CDK5RAP3: variants seen among roughly 807,000 people sequenced by gnomAD.
CDK5RAP3 encodes CDK5 regulatory subunit-associated protein 3.
CDK5RAP3 carries 58 observed loss-of-function variants against 73.3 expected under a neutral mutation model. The observed-to-expected ratio is 0.79, with a 90% confidence interval of 0.64 to 0.98. The LOEUF (loss-of-function observed/expected upper bound fraction) is 0.98, where lower values mean the gene tolerates loss of function less well. CDK5RAP3 is among the 50% of genes least tolerant of loss of function. The pLI is 0.00. For missense variants in CDK5RAP3, 525 were observed against 615.8 expected, an observed-to-expected ratio of 0.85 and a Z score of 1.56; for synonymous variants, 224 against 247.5, an observed-to-expected ratio of 0.91 and a Z score of 0.89.
chr17:47,978,974 C>A, intron 11 of CDK5RAP3, 57 bp downstream of exon 11: 1 of 1,356,902 alleles, frequency 7.4e-7, no homozygotes, highest in African/African-American at 1.4e-5. Flanking sequence ...CAGGTGGCTT[C>A]ACTCCAGATG....
At chr17:47,979,907 C>G (rs773275273) in intron 11 of CDK5RAP3, 1 of 152,314 alleles carries the variant, frequency 6.6e-6, no homozygotes, top group African/African-American at 2.4e-5. Flanking sequence ...ATATGGCTGG[C>G]TCTTGTATTC....
At chr17:47,968,330 T>A (rs540102291), upstream of CDK5RAP3, among the ~76,000 whole-genome samples, 37 of 152,242 alleles carry the variant, frequency 2.4e-4, no homozygotes, top group African/African-American at 6.7e-4. Context: ...ATATATATAT[T>A]TTGAGATGGA....
chr17:47,980,491 T>G, intron 11 of CDK5RAP3, 102 bp from the exon 12 acceptor site: 1 of 1,007,692 alleles, frequency 9.9e-7, no homozygotes, highest in South Asian at 1.3e-5. Context: ...GGTCTTGAAC[T>G]CCTGGCCTCA....
At chr17:47,968,354 G>T (rs936832126), upstream of CDK5RAP3, among the ~76,000 whole-genome samples, 1 of 152,066 alleles carries the variant, frequency 6.6e-6, no homozygotes, top group African/African-American at 2.4e-5. Flanking sequence ...TCACTCTGTT[G>T]CCCAGGCTGG....
rs556318319 is a variant in CDK5RAP3, at chr17:47,977,171, CAG to C, written c.909+352_909+353del. Among the ~76,000 whole-genome samples the C allele has an allele frequency of 5.9e-5, 9 of 152,052 alleles. No homozygotes were observed. In the East Asian group the frequency reaches 1.7e-3, roughly 29 times the overall value. ...TATTTTGTTTGTTTGTTTGTTGAGA[CAG>C]AGTCTCACTCTGTCGCCCAGGCTGG... On this transcript the variant is annotated intron_variant, in intron 9 of 13. Transcript: ENST00000338399.
At chr17:47,974,480 C>T (rs1277193860) in intron 5 of CDK5RAP3, 32 bp downstream of exon 5, 3 of 1,613,918 alleles carry the variant, frequency 1.9e-6, no homozygotes, top group African/African-American at 2.7e-5. Flanking sequence ...GCCCTGGTAT[C>T]CATGGGGAAG....
chr17:47,979,392 T>C (rs2036500289), intron 11 of CDK5RAP3: 1 of 155,116 alleles, frequency 6.4e-6, no homozygotes, highest in African/African-American at 2.4e-5. Flanking sequence ...ACCATGCAGA[T>C]GTCTGGCAGA....
chr17:47,971,901 G>A (rs1004349176), intron 2 of CDK5RAP3, among the ~76,000 whole-genome samples: 2 of 152,190 alleles, frequency 1.3e-5, no homozygotes, highest in Middle Eastern at 3.4e-3. Context: ...AGGCTGAGGT[G>A]GGAGAATTGC....
rs888235813 is a variant in CDK5RAP3, at chr17:47,971,167, G to C, written c.6+15G>C. 1 of 1,545,928 alleles carries C rather than the reference G, an allele frequency of 6.5e-7. No homozygotes were observed. Among genetic ancestry groups the C allele is most frequent in the Non-Finnish European group, 8.7e-7 (1 of 1,143,748 alleles). On this transcript the variant is annotated intron_variant, in intron 1 of 13. Transcript: ENST00000338399. ...GAAAGATGGAGGTGTGGGGACAGGA[G>C]CTGGGTGTGCTGGGGACTGGCCGCG...
chr17:47,973,458 T>C (rs2036314765), intron 2 of CDK5RAP3, 61 bp from the exon 3 acceptor site: 3 of 1,583,704 alleles, frequency 1.9e-6, no homozygotes, highest in African/African-American at 1.3e-5. Flanking sequence ...TTCACTCGAA[T>C]TAGTGATGGA....
chr17:47,974,641 G>T, intron 5 of CDK5RAP3, 193 bp downstream of exon 5: 1 of 1,413,356 alleles, frequency 7.1e-7, no homozygotes. Context: ...CTGGGGGAAG[G>T]AGGAGGTCCA....
At chr17:47,979,243 C>A in intron 11 of CDK5RAP3, 1 of 222,342 alleles carries the variant, frequency 4.5e-6, no homozygotes, top group Non-Finnish European at 8.9e-6. Flanking sequence ...TGCTAGATGG[C>A]ACCAAATGCC....
intron 10 of CDK5RAP3, among the ~76,000 whole-genome samples, chr17:47,978,360 G>A (rs1257521981): frequency 6.6e-6 from 1 of 151,892 alleles, no homozygotes; most frequent in Non-Finnish European, 1.5e-5. Flanking sequence ...GTGAGCCACC[G>A]TGCCTGGCCC....
rs535039376 is a variant in CDK5RAP3, at chr17:47,974,529, GCA to G, written c.334+84_334+85del. 11,740 of 1,609,948 alleles carry G rather than the reference GCA, an allele frequency of 7.3e-3. 54 individuals carry two copies. Among genetic ancestry groups the G allele is most frequent in the Non-Finnish European group, 9.3e-3 (10,899 of 1,177,602 alleles). On this transcript the variant is annotated intron_variant, in intron 5 of 13. Coordinates refer to ENST00000338399, the MANE Select transcript of CDK5RAP3 (RefSeq NM_176096.3). ...TTCTGAGATACCAGGCTTATAGGAGGCACAGTCTGTGAGTGGGAAGAGACTGG... is the reference window on the plus strand; with the variant it reads ...TTCTGAGATACCAGGCTTATAGGAGGCAGTCTGTGAGTGGGAAGAGACTGG...
In CDK5RAP3 at chr17:47,975,777, G is replaced by T. The variant is rs528434790; in HGVS notation, c.654-92G>T. 7.3e-5 allele frequency: 117 copies of T among 1,595,388 alleles called. No homozygotes were observed. The East Asian group carries it at 2.5e-3, about 34-fold the overall frequency. ...TCTTTACACACCTGAACCTGTGGGG[G>T]CCTTGCCCATTTGACCATGTGGCCC... On this transcript the variant is annotated intron_variant, in intron 7 of 13. Transcript: ENST00000338399.
chr17:47,976,595 C>G lies in CDK5RAP3; in HGVS notation c.799-117C>G. 8.7e-6 allele frequency: 6 copies of G among 688,808 alleles called. No homozygotes were observed. In the East Asian group the frequency reaches 1.7e-4, roughly 20 times the overall value. 42.7% of individuals were successfully genotyped at this position (688,808 alleles called of 1,614,324 possible). A position where few individuals can be genotyped will look rare whatever the true frequency, so the allele number is the denominator to read the frequency against. The stretch of plus-strand genomic sequence containing the variant: ...CCCAGGCTGGTCTCAAACTCCTGGG[C>G]TCAAGCAATCCACTATCCTCGGCCT... On this transcript the variant is annotated intron_variant, in intron 8 of 13. Coordinates refer to ENST00000338399, the MANE Select transcript of CDK5RAP3 (RefSeq NM_176096.3).
upstream of CDK5RAP3, chr17:47,970,491 C>A: frequency 1.6e-6 from 1 of 644,120 alleles, no homozygotes; most frequent in Non-Finnish European, 2.8e-6. Flanking sequence ...TAAAACTCCT[C>A]TTCCCACATC....
At chr17:47,977,626 G>GGGTGTA (rs1598226381) in intron 9 of CDK5RAP3, among the ~76,000 whole-genome samples, 1 of 152,306 alleles carries the variant, frequency 6.6e-6, no homozygotes, top group East Asian at 1.9e-4. Flanking sequence ...GTTTGGTACA[G>GGGTGTA]GGTGTAGGGG....
chr17:47,981,035 G>T, intron 12 of CDK5RAP3, 128 bp from the exon 13 acceptor site: 1 of 1,073,392 alleles, frequency 9.3e-7, no homozygotes, highest in East Asian at 2.4e-5. Flanking sequence ...AAAGGAAAGG[G>T]TTTAAGGATG....
Sources: allele counts gnomAD v4.1 joint callset (sites outside exome capture counted in the v4.1 genomes callset), GRCh38; gene constraint gnomAD v4.1.1; transcripts MANE v1.5; gene names NCBI Gene and HGNC (gene_info 2026-07-23, HGNC 2026-07-21).